The following ELMO1 variants were observed in gnomAD, a reference collection of about 807,000 sequenced individuals.
The protein encoded by ELMO1 is engulfment and cell motility protein 1.
In ELMO1, 26 loss-of-function variants were observed where a neutral mutation model predicts 98.9. The observed-to-expected ratio is 0.26, with a 90% CI of 0.19 to 0.36. The LOEUF is 0.36. ELMO1 is among the 10% of genes least tolerant of loss of function. ELMO1 has a pLI of 1.00. For missense variants in ELMO1, 627 were observed against 935.2 expected (o/e 0.67, Z 4.30); for synonymous variants, 346 against 346.0 (o/e 1.00, Z 0.00).
chr7:36,933,596 T>C (rs74860893), intron 16 of ELMO1, among the ~76,000 whole-genome samples: 1 of 152,024 alleles, frequency 6.6e-6, no homozygotes, highest in South Asian at 2.1e-4. Flanking sequence ...ACCAGGGCAA[T>C]AGGATGTGTG....
In ELMO1 at chr7:37,192,968, GAGATAT is replaced by G. The variant is rs1213240525; in HGVS notation, c.1086+18412_1086+18417del. Among the ~76,000 whole-genome samples, 897 of 93,896 alleles carry G rather than the reference GAGATAT, an allele frequency of 9.6e-3. 4 individuals are homozygous for G. Among genetic ancestry groups the G allele is most frequent in the Middle Eastern group, 0.015 (3 of 204 alleles). 61.6% of individuals were successfully genotyped at this position (93,896 alleles called of 152,430 possible). A position where few individuals can be genotyped will look rare whatever the true frequency, so the allele number is the denominator to read the frequency against. On this transcript the variant is annotated intron_variant, in intron 13 of 21. Transcript: ENST00000310758. ...ACATATATATTTTTTATATATATAG[GAGATAT>G]ATATATATATATATATATATATATA...
intron 2 of ELMO1, among the ~76,000 whole-genome samples, chr7:37,316,338 G>A (rs771808444): frequency 6.6e-6 from 1 of 152,182 alleles, no homozygotes; most frequent in Non-Finnish European, 1.5e-5. Flanking sequence ...ACATGAATCA[G>A]GCAAGCTGCA....
chr7:36,978,269 G>T, intron 16 of ELMO1, among the ~76,000 whole-genome samples: 1 of 151,546 alleles, frequency 6.6e-6, no homozygotes, highest in African/African-American at 2.4e-5. Context: ...GCCACACCAG[G>T]GGACCTAAGT....
intron 13 of ELMO1, among the ~76,000 whole-genome samples, chr7:37,139,222 G>T (rs1227989085): frequency 6.6e-6 from 1 of 152,160 alleles, no homozygotes; most frequent in African/African-American, 2.4e-5. Context: ...CCTAGCCAGA[G>T]CAATCAGACA....
intron 4 of ELMO1, among the ~76,000 whole-genome samples, chr7:37,275,814 A>C (rs1465216848): frequency 6.6e-6 from 1 of 152,282 alleles, no homozygotes; most frequent in Non-Finnish European, 1.5e-5. Flanking sequence ...CCTGACAGAA[A>C]GGCAGAGCAA....
intron 1 of ELMO1, among the ~76,000 whole-genome samples, chr7:37,350,367 T>C (rs1334430118): frequency 6.6e-6 from 1 of 152,174 alleles, no homozygotes; most frequent in East Asian, 1.9e-4. Flanking sequence ...TGGCTTGCAA[T>C]ATAATGGAAA....
At chr7:36,957,969 GCTTT>G (rs1417071404) in intron 16 of ELMO1, among the ~76,000 whole-genome samples, 1 of 152,066 alleles carries the variant, frequency 6.6e-6, no homozygotes, top group African/African-American at 2.4e-5. Context: ...GCTGCCCATT[GCTTT>G]CTTTAACTTA....
At chr7:36,996,992 G>T (rs1326894731) in intron 16 of ELMO1, among the ~76,000 whole-genome samples, 2 of 152,220 alleles carry the variant, frequency 1.3e-5, no homozygotes, top group Non-Finnish European at 2.9e-5. Context: ...TTTGAAGACA[G>T]ATGTCTCATG....
At chr7:37,127,034 T>C (rs1186650078) in intron 14 of ELMO1, among the ~76,000 whole-genome samples, 1 of 152,234 alleles carries the variant, frequency 6.6e-6, no homozygotes, top group African/African-American at 2.4e-5. Context: ...CTGGGATTAA[T>C]GCACAGTTTG....
intron 16 of ELMO1, among the ~76,000 whole-genome samples, chr7:36,898,982 G>C (rs1467614235): frequency 3.3e-5 from 5 of 152,176 alleles, no homozygotes; most frequent in African/African-American, 4.8e-5. Context: ...GCTTTAGCTG[G>C]GGCTGGTGGA....
intron 16 of ELMO1, among the ~76,000 whole-genome samples, chr7:36,908,241 T>C (rs1246427048): frequency 1.3e-5 from 2 of 152,246 alleles, no homozygotes; most frequent in African/African-American, 2.4e-5. Context: ...TGAATGTTTG[T>C]TGAATAAACT....
chr7:37,003,722 T>C (rs1009711499), intron 16 of ELMO1, among the ~76,000 whole-genome samples: 1 of 152,260 alleles, frequency 6.6e-6, no homozygotes, highest in Non-Finnish European at 1.5e-5. Context: ...TCATTAAATA[T>C]ATATTTTAAC....
intron 1 of ELMO1, among the ~76,000 whole-genome samples, chr7:37,345,680 G>A (rs1370314542): frequency 2.6e-5 from 4 of 151,494 alleles, no homozygotes; most frequent in South Asian, 4.2e-4. Context: ...GCACACCAGC[G>A]TGGGCAACAG....
At chr7:37,435,616 C>T (rs1426051265) in intron 1 of ELMO1, among the ~76,000 whole-genome samples, 1 of 152,236 alleles carries the variant, frequency 6.6e-6, no homozygotes, top group Admixed American at 6.5e-5. Flanking sequence ...CAGACACCCT[C>T]ATCTGCCTGT....
intron 16 of ELMO1, among the ~76,000 whole-genome samples, chr7:36,982,063 T>C (rs985339381): frequency 6.6e-6 from 1 of 152,190 alleles, no homozygotes; most frequent in African/African-American, 2.4e-5. Context: ...GTGTGGTGAG[T>C]GTGACTGTGC....
intron 1 of ELMO1, among the ~76,000 whole-genome samples, chr7:37,439,078 T>G (rs1421483712): frequency 6.6e-6 from 1 of 152,228 alleles, no homozygotes; most frequent in East Asian, 1.9e-4. Context: ...TTTGTTTATT[T>G]ATTCATCTGA....
At chr7:37,112,055 G>GA (rs1282553998) in intron 14 of ELMO1, among the ~76,000 whole-genome samples, 8 of 152,092 alleles carry the variant, frequency 5.3e-5, no homozygotes, top group African/African-American at 1.9e-4. Context: ...TTGATCTTCT[G>GA]AAAAATATCA....
chr7:37,061,459 C>T (rs1796662594), intron 15 of ELMO1, among the ~76,000 whole-genome samples: 1 of 152,158 alleles, frequency 6.6e-6, no homozygotes, highest in South Asian at 2.1e-4. Flanking sequence ...AGAATTCAAT[C>T]CCATGGTGGT....
intron 14 of ELMO1, among the ~76,000 whole-genome samples, chr7:37,103,531 A>T (rs1168025179): frequency 1.0e-5 from 1 of 95,766 alleles, no homozygotes; most frequent in Non-Finnish European, 2.0e-5. Context: ...GGGTGGGGGG[A>T]GGGGGGAGGG....
Sources: allele counts gnomAD v4.1 joint callset (sites outside exome capture counted in the v4.1 genomes callset), GRCh38; gene constraint gnomAD v4.1.1; transcripts MANE v1.5; gene names NCBI Gene and HGNC (gene_info 2026-07-23, HGNC 2026-07-21).